ZNF804B: variants seen among roughly 807,000 people sequenced by gnomAD.
The protein encoded by ZNF804B is zinc finger protein 804B, also known as zinc finger 804B.
ZNF804B carries 80 observed loss-of-function variants against 101.4 expected under a neutral mutation model. The observed-to-expected ratio is 0.79, with a 90% CI of 0.66 to 0.95. The LOEUF is 0.95. Ranked by LOEUF, ZNF804B falls within the 40% of genes least tolerant of loss-of-function variation. ZNF804B has a pLI of 0.00. For missense variants in ZNF804B, 1,673 were observed against 1,561.9 expected (o/e 1.07, Z -1.20); for synonymous variants, 622 against 558.8 (o/e 1.11, Z -1.59).
chr7:88,811,473 G>A (rs1244476379), intron 1 of ZNF804B, among the ~76,000 whole-genome samples: 1 of 152,126 alleles, frequency 6.6e-6, no homozygotes, highest in African/African-American at 2.4e-5. Context: ...CCATTACTGT[G>A]TATATACCCA....
intron 1 of ZNF804B, among the ~76,000 whole-genome samples, chr7:88,868,961 A>G (rs962892230): frequency 2.6e-5 from 4 of 152,040 alleles, no homozygotes; most frequent in African/African-American, 7.2e-5. Flanking sequence ...GAGAAGAATC[A>G]CCTATTGAAG....
At chr7:88,926,945 G>GGGGGGGC (rs1554346844) in intron 1 of ZNF804B, among the ~76,000 whole-genome samples, 53 of 149,896 alleles carry the variant, frequency 3.5e-4, no homozygotes, top group African/African-American at 1.3e-3. Context: ...GTGGGGAGCG[G>GGGGGGGC]GGGGAAAGCT....
At chr7:88,850,289 T>A (rs1791434153) in intron 1 of ZNF804B, among the ~76,000 whole-genome samples, 1 of 152,010 alleles carries the variant, frequency 6.6e-6, no homozygotes, top group Non-Finnish European at 1.5e-5. Context: ...GCCTGGCTCT[T>A]TTTTGGAGTT....
At chr7:88,950,819 A>G (rs1027945056) in intron 1 of ZNF804B, among the ~76,000 whole-genome samples, 1 of 152,030 alleles carries the variant, frequency 6.6e-6, no homozygotes, top group Admixed American at 6.6e-5. Context: ...TGGCTTACGC[A>G]TGCAGTAAAT....
intron 1 of ZNF804B, among the ~76,000 whole-genome samples, chr7:88,798,701 C>T (rs1790530988): frequency 6.6e-6 from 1 of 152,068 alleles, no homozygotes; most frequent in African/African-American, 2.4e-5. Flanking sequence ...TAAGTTCTGA[C>T]TAGATAGAAA....
chr7:89,171,288 G>GCTTCTTCTTCTTCTTCTTCTTCTTCTT (rs1203060273), intron 1 of ZNF804B, among the ~76,000 whole-genome samples: 7 of 82,478 alleles, frequency 8.5e-5, no homozygotes, highest in Non-Finnish European at 1.8e-4. Context: ...TGCTGCTGCT[G>GCTTCTTCTTCTTCTTCTTCTTCTTCTT]CTTCTTCTTC....
intron 1 of ZNF804B, among the ~76,000 whole-genome samples, chr7:88,865,177 G>A (rs1791707793): frequency 6.8e-6 from 1 of 147,978 alleles, no homozygotes; most frequent in South Asian, 2.2e-4. Flanking sequence ...GTGGTGAGTC[G>A]AGATGGCACC....
intron 2 of ZNF804B, among the ~76,000 whole-genome samples, chr7:89,295,539 A>C (rs542454809): frequency 2.6e-5 from 4 of 152,118 alleles, no homozygotes; most frequent in Admixed American, 2.6e-4. Context: ...CAAAACAATC[A>C]ATCTGCTAAT....
rs183990283 is a variant in ZNF804B at position 88,763,119 on chromosome 7, A to G, written c.108+3035A>G. 4.6e-5 allele frequency among the ~76,000 whole-genome samples: 7 copies of G among 152,258 alleles called. No individual in the cohort carries two copies. The East Asian group carries it at 1.3e-3, about 29-fold the overall frequency. On this transcript the variant is annotated intron_variant, in intron 1 of 3. Coordinates refer to ENST00000333190, the MANE Select transcript of ZNF804B (RefSeq NM_181646.5). Reference sequence around the variant, plus strand: ...TATGGATAAAACATTTCACTTTCCTATAGACATAATTCTTCAATTATATAG... The same window carrying G: ...TATGGATAAAACATTTCACTTTCCTGTAGACATAATTCTTCAATTATATAG...
intron 1 of ZNF804B, among the ~76,000 whole-genome samples, chr7:89,115,689 A>G (rs1470798747): frequency 1.3e-5 from 2 of 152,208 alleles, no homozygotes; most frequent in Non-Finnish European, 1.5e-5. Flanking sequence ...GCTCTTATAG[A>G]TGATTAAGAA....
intron 1 of ZNF804B, among the ~76,000 whole-genome samples, chr7:88,821,348 G>A (rs1472945568): frequency 6.6e-6 from 1 of 152,142 alleles, no homozygotes; most frequent in Non-Finnish European, 1.5e-5. Context: ...TGACCAGATA[G>A]ATATGATGAA....
intron 1 of ZNF804B, among the ~76,000 whole-genome samples, chr7:88,765,667 A>G (rs1228217089): frequency 6.6e-6 from 1 of 152,196 alleles, no homozygotes; most frequent in Admixed American, 6.5e-5. Context: ...TTGCTTGAAA[A>G]TGCCTTTGGG....
At chr7:88,762,437 T>C (rs933458013) in intron 1 of ZNF804B, among the ~76,000 whole-genome samples, 1 of 152,202 alleles carries the variant, frequency 6.6e-6, no homozygotes, top group Non-Finnish European at 1.5e-5. Context: ...AGTGGATCAC[T>C]ACCTTCTGGA....
chr7:88,990,521 A>C (rs2116151980), intron 1 of ZNF804B, among the ~76,000 whole-genome samples: 1 of 152,242 alleles, frequency 6.6e-6, no homozygotes, highest in African/African-American at 2.4e-5. Flanking sequence ...TAAAAAATAA[A>C]GGTTCAGATC....
intron 1 of ZNF804B, among the ~76,000 whole-genome samples, chr7:88,870,680 G>A (rs1020240321): frequency 2.0e-5 from 3 of 152,082 alleles, no homozygotes; most frequent in Non-Finnish European, 4.4e-5. Context: ...ACAGAAAAAG[G>A]TGAGAAAAGA....
intron 1 of ZNF804B, among the ~76,000 whole-genome samples, chr7:89,125,875 C>T (rs1790468611): frequency 6.6e-6 from 1 of 151,798 alleles, no homozygotes; most frequent in African/African-American, 2.4e-5. Flanking sequence ...GCATTTTATG[C>T]CAGATATATA....
chr7:88,875,839 T>C (rs539582204), intron 1 of ZNF804B, among the ~76,000 whole-genome samples: 6 of 152,294 alleles, frequency 3.9e-5, no homozygotes, highest in African/African-American at 9.6e-5. Flanking sequence ...ATACTAAAGC[T>C]GGGCAGAGAC....
intron 1 of ZNF804B, among the ~76,000 whole-genome samples, chr7:88,972,293 C>T (rs1288367676): frequency 1.3e-5 from 2 of 151,534 alleles, no homozygotes; most frequent in Non-Finnish European, 3.0e-5. Context: ...TTTCCAGTTT[C>T]TCCAGGCAGT....
intron 1 of ZNF804B, among the ~76,000 whole-genome samples, chr7:89,106,714 G>A (rs1171661400): frequency 6.6e-6 from 1 of 152,142 alleles, no homozygotes; most frequent in East Asian, 1.9e-4. Flanking sequence ...AAAACAGACT[G>A]GATTGGGAGG....
Sources: gnomAD v4.1 joint callset for allele counts (sites outside exome capture counted in the v4.1 genomes callset) on GRCh38, gnomAD v4.1.1 for gene constraint, MANE v1.5 for transcripts, NCBI Gene and HGNC (gene_info 2026-07-23, HGNC 2026-07-21) for gene names.